Variants in RPS6KA2 observed in about 807,000 individuals in gnomAD.
RPS6KA2 encodes ribosomal protein S6 kinase alpha-2.
In RPS6KA2, 42 loss-of-function variants were observed where a neutral mutation model predicts 91.8. That is an observed-to-expected ratio of 0.46 (90% CI 0.36 to 0.59). The LOEUF (loss-of-function observed/expected upper bound fraction) is 0.59. Among genes scored for constraint, RPS6KA2 ranks in the 20% least tolerant of loss-of-function variants. RPS6KA2 has a pLI of 0.00. For missense variants in RPS6KA2, 798 were observed against 978.5 expected, an observed-to-expected ratio of 0.82 and a Z score of 2.46; for synonymous variants, 414 against 393.6, an observed-to-expected ratio of 1.05 and a Z score of -0.61.
intron 17 of RPS6KA2, among the ~76,000 whole-genome samples, chr6:166,420,566 GTTCC>G (rs1048322465): frequency 6.6e-6 from 1 of 152,214 alleles, no homozygotes; most frequent in African/African-American, 2.4e-5. Context: ...GGGGTCAGAA[GTTCC>G]TTCCTTCTGC....
At chr6:166,581,578 C>T (rs1021440717) in intron 1 of RPS6KA2, among the ~76,000 whole-genome samples, 6 of 151,926 alleles carry the variant, frequency 3.9e-5, no homozygotes, top group South Asian at 2.1e-4. Flanking sequence ...TTCGAGTATG[C>T]GGGGCAGTGG....
At chr6:166,707,944 A>T (rs1789728790) in intron 2 of RPS6KA2, among the ~76,000 whole-genome samples, 1 of 152,080 alleles carries the variant, frequency 6.6e-6, no homozygotes. Flanking sequence ...GGGTCTCACT[A>T]TGTTGCCTAG....
intron 2 of RPS6KA2, among the ~76,000 whole-genome samples, chr6:166,675,995 G>T (rs779328418): frequency 6.6e-6 from 1 of 152,182 alleles, no homozygotes; most frequent in Admixed American, 6.5e-5. Flanking sequence ...AGGCTTCGCC[G>T]TAAGGGATTC....
chr6:166,504,339 C>T (rs762819157), intron 6 of RPS6KA2, among the ~76,000 whole-genome samples, 167 bp downstream of exon 6: 1 of 152,228 alleles, frequency 6.6e-6, no homozygotes. Context: ...TGCATCTGGG[C>T]ACCTGATGCC....
At chr6:166,624,426 C>G (rs1786755591) in intron 1 of RPS6KA2, among the ~76,000 whole-genome samples, 1 of 152,246 alleles carries the variant, frequency 6.6e-6, no homozygotes, top group Non-Finnish European at 1.5e-5. Flanking sequence ...CTCAGTTTTA[C>G]ATTTTTTGAT....
chr6:166,411,410 G>A lies in RPS6KA2; in HGVS notation c.*1352C>T, dbSNP rs1428059644. ...GCGCCTCCTCCCATCTAGTCTGCTTGGGGGCCGCCAGGGAGCATCTTCAAC... is the reference window on the plus strand; with the variant it reads ...GCGCCTCCTCCCATCTAGTCTGCTTAGGGGCCGCCAGGGAGCATCTTCAAC... On this transcript the variant is annotated 3_prime_UTR_variant, in exon 21 of 21. Transcript: ENST00000265678. This position sits in a 1 kb window ranked among gnomAD's most constrained non-coding sequence, Gnocchi z 4.5. 6.6e-6 allele frequency: 1 copy of A among 152,010 alleles called. No individual in the cohort carries two copies. The highest frequency in any genetic ancestry group is 2.4e-5 in the African/African-American group (1 of 41,358). 9.4% of individuals were successfully genotyped at this position (152,010 alleles called of 1,614,324 possible).
At chr6:166,836,737 G>T (rs2093790857) in intron 2 of RPS6KA2, among the ~76,000 whole-genome samples, 1 of 152,210 alleles carries the variant, frequency 6.6e-6, no homozygotes, top group African/African-American at 2.4e-5. Context: ...CTCGAGGACA[G>T]GTTGGCTTTT....
chr6:166,713,046 T>C (rs764007944), intron 2 of RPS6KA2, among the ~76,000 whole-genome samples: 11 of 152,194 alleles, frequency 7.2e-5, no homozygotes, highest in African/African-American at 2.7e-4. Flanking sequence ...AAATGACACG[T>C]CTGTCCCTGG....
At chr6:166,519,889 T>C (rs1782789463) in intron 3 of RPS6KA2, among the ~76,000 whole-genome samples, 1 of 152,200 alleles carries the variant, frequency 6.6e-6, no homozygotes, top group Non-Finnish European at 1.5e-5. Context: ...ACATGTCAAC[T>C]TGACTGGGCT....
At position 166,806,681 on chromosome 6, in the gene RPS6KA2, A is replaced by G. The variant is rs181892353; in HGVS notation, c.123+51519T>C. 3.9e-5 allele frequency among the ~76,000 whole-genome samples: 6 copies of G among 152,324 alleles called. No individual in the cohort carries two copies. The East Asian group carries it at 1.2e-3, about 29-fold the overall frequency. ...AGAACACTAGACAATAACTAAAAGCAACATCAAGGAATAAAGATCTCAGTG... is the reference window on the plus strand; with the variant it reads ...AGAACACTAGACAATAACTAAAAGCGACATCAAGGAATAAAGATCTCAGTG... On this transcript the variant is annotated intron_variant, in intron 2 of 21. Transcript: ENST00000503859.
At chr6:166,646,870 GGCCGTGGTGGGTGTGGGCCTCTGTGCGA>G (rs1787620186) in intron 2 of RPS6KA2, among the ~76,000 whole-genome samples, 2 of 152,190 alleles carry the variant, frequency 1.3e-5, no homozygotes, top group Non-Finnish European at 2.9e-5. Context: ...CTGCTTCTCA[GGCCGTGGTGGGTGTGGGCCTCTGTGCGA>G]GCCGCTCCCC....
At chr6:166,549,971 G>C (rs1037688094) in intron 1 of RPS6KA2, among the ~76,000 whole-genome samples, 5 of 151,942 alleles carry the variant, frequency 3.3e-5, no homozygotes, top group Non-Finnish European at 7.4e-5. Context: ...TTTTAAAAAT[G>C]GTAAAAAGTG....
chr6:166,692,368 G>A (rs981389382), intron 2 of RPS6KA2, among the ~76,000 whole-genome samples: 34 of 152,182 alleles, frequency 2.2e-4, no homozygotes, highest in Non-Finnish European at 4.4e-5. Flanking sequence ...AAGATGCTGT[G>A]AGAAAAGTGT....
At chr6:166,545,459 A>G (rs779204760) in intron 1 of RPS6KA2, among the ~76,000 whole-genome samples, 2 of 152,196 alleles carry the variant, frequency 1.3e-5, no homozygotes, top group Non-Finnish European at 2.9e-5. Flanking sequence ...GCTCCTCGGA[A>G]CTGAGGCTGG....
intron 9 of RPS6KA2, 56 bp from the exon 10 acceptor site, chr6:166,488,977 A>G (rs1218952750): frequency 2.1e-6 from 3 of 1,433,560 alleles, no homozygotes; most frequent in Non-Finnish European, 2.9e-6. Context: ...GACAAGCTAT[A>G]AAGAGGGCCC....
chr6:166,587,984 T>C (rs1785236006), intron 1 of RPS6KA2, among the ~76,000 whole-genome samples: 1 of 152,192 alleles, frequency 6.6e-6, no homozygotes, highest in Admixed American at 6.5e-5. Flanking sequence ...GCTTATCACA[T>C]CTGAATGCAA....
At chr6:166,631,694 G>A (rs1022656690), upstream of RPS6KA2, among the ~76,000 whole-genome samples, 7 of 152,156 alleles carry the variant, frequency 4.6e-5, no homozygotes, top group Admixed American at 2.6e-4. Flanking sequence ...AGCGGAGCAC[G>A]GCTGGAGTCA....
intron 1 of RPS6KA2, among the ~76,000 whole-genome samples, chr6:166,559,627 ACT>A (rs1784281008): frequency 6.6e-6 from 1 of 151,610 alleles, no homozygotes; most frequent in South Asian, 2.1e-4. Flanking sequence ...GGCCTCCTAA[ACT>A]CTCCCCTATC....
intron 2 of RPS6KA2, among the ~76,000 whole-genome samples, chr6:166,647,911 T>G (rs563488349): frequency 8.8e-6 from 1 of 113,804 alleles, no homozygotes; most frequent in Non-Finnish European, 1.8e-5. Flanking sequence ...CTCACACACA[T>G]GCACATGCTC....
Sources: gnomAD v4.1 joint callset for allele counts (sites outside exome capture counted in the v4.1 genomes callset) on GRCh38, gnomAD v4.1.1 for gene constraint, Gnocchi (gnomAD v3.1) non-coding constraint, MANE v1.5 for transcripts, NCBI Gene and HGNC (gene_info 2026-07-23, HGNC 2026-07-21) for gene names.